Variants in CRB2 observed in about 807,000 individuals in gnomAD.
CRB2 encodes crumbs cell polarity complex component 2.
In CRB2, 85 loss-of-function variants were observed where a neutral mutation model predicts 110.9. That is an observed-to-expected ratio of 0.77 (90% CI 0.64 to 0.92). The LOEUF (loss-of-function observed/expected upper bound fraction) is 0.92. Ranked by LOEUF, CRB2 falls within the 40% of genes least tolerant of loss-of-function variation. The pLI, the probability that CRB2 is intolerant of heterozygous loss-of-function variation, is 0.00. For synonymous variants in CRB2, 907 were observed against 831.0 expected (o/e 1.09, Z -1.57); for missense variants, 1,843 against 1,851.3 (o/e 1.00, Z 0.08).
At position 123,370,270 on chromosome 9, in the gene CRB2, C is replaced by A. The variant is rs34802652; in HGVS notation, c.1217C>A (p.Pro406Gln). 1 of 1,613,302 alleles carries A rather than the reference C, an allele frequency of 6.2e-7. No homozygotes were observed. The highest frequency in any genetic ancestry group is 8.5e-7 in the Non-Finnish European group (1 of 1,180,010). ...QLTGCQGHTCPLAATCIPIFE... is the reference protein window; with the variant it reads ...QLTGCQGHTCQLAATCIPIFE... The stretch of plus-strand genomic sequence containing the variant: ...ACTGGCTGCCAGGGCCACACCTGCC[C>A]GCTGGCTGCCACCTGCATCCCTATC... Residue 406 changes from proline to glutamine, a missense_variant, in exon 7 of 13, where the codon CCG becomes CAG. Transcript: ENST00000373631.
Position 123,366,318 on chromosome 9 carries a change from G to A in CRB2, c.706G>A (p.Ala236Thr). Residue 236 changes from alanine (A) to threonine (T), a missense_variant, in exon 4 of 13, where the codon GCG (alanine) becomes ACG (threonine). Coordinates refer to ENST00000373631, the MANE Select transcript of CRB2 (RefSeq NM_173689.7). Reference sequence around the variant, plus strand: ...CGCATCGGCGCCCTGCGAGCACAACGCGTCCTGCCTCGAGGGCCTCGGGAG... The same window carrying A: ...CGCATCGGCGCCCTGCGAGCACAACACGTCCTGCCTCGAGGGCCTCGGGAG... Reference protein sequence around the residue: ...ECASAPCEHNASCLEGLGSFR... With the variant: ...ECASAPCEHNTSCLEGLGSFR... The A allele has an allele frequency of 3.3e-6, 5 of 1,538,132 alleles. No homozygotes were observed. The highest frequency in any genetic ancestry group is 4.3e-6 in the Non-Finnish European group (5 of 1,155,176).
intron 9 of CRB2, among the ~76,000 whole-genome samples, chr9:123,372,909 A>AC (rs936286216): frequency 1.3e-5 from 2 of 152,018 alleles, no homozygotes; most frequent in African/African-American, 2.4e-5. Context: ...ATCACGCCCC[A>AC]CCCCCCAGCA....
chr9:123,356,681 T>G (rs2041803512), intron 1 of CRB2, among the ~76,000 whole-genome samples: 1 of 151,784 alleles, frequency 6.6e-6, no homozygotes, highest in African/African-American at 2.4e-5. Context: ...TTGCATCCTG[T>G]AAAGGGCTGG....
rs1031794102 is a variant in CRB2, at chr9:123,378,223, C to T, written c.*1161C>T. The T allele has an allele frequency of 2.0e-5, 3 of 152,242 alleles. No individual in the cohort carries two copies. Among genetic ancestry groups the T allele is most frequent in the South Asian group, 2.1e-4 (1 of 4,830 alleles). 9.4% of individuals were successfully genotyped at this position (152,242 alleles called of 1,614,324 possible). On this transcript the variant is annotated 3_prime_UTR_variant, in exon 13 of 13. Transcript: ENST00000373631. ...GAGTCGGGGCTGGGCCTGCAGAGGC[C>T]GACTCAGAGGAGACTCTGCTGCTTG...
At chr9:123,372,122 G>C in intron 8 of CRB2, 55 bp from the exon 9 acceptor site, 1 of 1,564,680 alleles carries the variant, frequency 6.4e-7, no homozygotes, top group Non-Finnish European at 8.8e-7. Context: ...TGCCAGTTAT[G>C]GTGGGTGATG....
chr9:123,374,622 C>T lies in CRB2; in HGVS notation c.3433C>T (p.Leu1145Phe), dbSNP rs143878618. Residue 1145 changes from leucine to phenylalanine, a missense_variant, in exon 11 of 13, where the codon CTC (leucine) becomes TTC (phenylalanine). Transcript: ENST00000373631. Reference protein sequence around the residue: ...SKECSLNVTCLDGSPCEGGSP... With the variant: ...SKECSLNVTCFDGSPCEGGSP... Reference sequence around the variant, plus strand: ...GGAGTGCAGCCTGAATGTCACCTGCCTCGATGGCAGCCCATGTGAGGGTGG... The same window carrying T: ...GGAGTGCAGCCTGAATGTCACCTGCTTCGATGGCAGCCCATGTGAGGGTGG... 1.2e-6 allele frequency: 2 copies of T among 1,613,536 alleles called. No homozygotes were observed. Among genetic ancestry groups the T allele is most frequent in the African/African-American group, 2.7e-5 (2 of 75,054 alleles).
chr9:123,363,764 G>A (rs188119095), intron 2 of CRB2, among the ~76,000 whole-genome samples: 23 of 152,194 alleles, frequency 1.5e-4, no homozygotes, highest in Non-Finnish European at 2.8e-4. Flanking sequence ...TAATATATAC[G>A]TAAGTGCTCA....
chr9:123,364,722 G>T (rs556394280), intron 2 of CRB2, among the ~76,000 whole-genome samples: 1 of 152,182 alleles, frequency 6.6e-6, no homozygotes, highest in Non-Finnish European at 1.5e-5. Context: ...ACAGTGACAC[G>T]TGAGTCCAGG....
At chr9:123,364,387 C>T (rs962726012) in intron 2 of CRB2, among the ~76,000 whole-genome samples, 6 of 152,048 alleles carry the variant, frequency 3.9e-5, no homozygotes, top group East Asian at 1.9e-4. Flanking sequence ...GTTGTGCATC[C>T]GGATGTGTAG....
chr9:123,373,339 C>A lies in CRB2; in HGVS notation c.2808C>A (p.Gly936=). 1 of 1,439,270 alleles carries A rather than the reference C, an allele frequency of 6.9e-7. No individual in the cohort carries two copies. The highest frequency in any genetic ancestry group is 9.0e-7 in the Non-Finnish European group (1 of 1,105,010). 89.2% of individuals were successfully genotyped at this position (1,439,270 alleles called of 1,614,324 possible). ...NGSLAGGVRG[G]HGLPGAVLPI... ...CGCTGGCGGGGGGCGTGCGCGGAGG[C>A]CATGGCCTGCCCGGCGCTGTGCTGC... The change falls in exon 10 of 13, where the codon GGC becomes GGA. Residue 936 remains glycine, a synonymous_variant. Coordinates refer to ENST00000373631, the MANE Select transcript of CRB2 (RefSeq NM_173689.7).
intron 1 of CRB2, among the ~76,000 whole-genome samples, chr9:123,361,945 G>A (rs939914811): frequency 2.0e-5 from 3 of 152,206 alleles, no homozygotes; most frequent in Non-Finnish European, 2.9e-5. Context: ...ATCTCTGGGC[G>A]TGGCTTCCAA....
chr9:123,359,998 G>A (rs1213255268), intron 1 of CRB2, among the ~76,000 whole-genome samples: 1 of 151,888 alleles, frequency 6.6e-6, no homozygotes, highest in African/African-American at 2.4e-5. Context: ...GCAACAATAT[G>A]TGAGTGGCAA....
downstream of CRB2, among the ~76,000 whole-genome samples, chr9:123,379,325 TG>T (rs1312219379): frequency 6.6e-6 from 1 of 152,138 alleles, no homozygotes; most frequent in Admixed American, 6.5e-5. Context: ...GAGAGACCTG[TG>T]GGGGCGACTT....
upstream of CRB2, among the ~76,000 whole-genome samples, chr9:123,355,656 A>C (rs990988304): frequency 1.3e-4 from 1 of 7,508 alleles, no homozygotes; most frequent in Non-Finnish European, 2.6e-4. Flanking sequence ...GGGAGGGGGG[A>C]GTGGGGAGGG....
intron 6 of CRB2, among the ~76,000 whole-genome samples, chr9:123,368,333 G>A (rs1454201228): frequency 1.3e-5 from 2 of 152,112 alleles, no homozygotes. Context: ...GAAGATGGTG[G>A]GACTCAGTGT....
intron 10 of CRB2, among the ~76,000 whole-genome samples, 193 bp from the exon 11 acceptor site, chr9:123,374,386 C>T (rs1413096332): frequency 6.7e-6 from 1 of 148,812 alleles, no homozygotes; most frequent in African/African-American, 2.5e-5. Flanking sequence ...GTCCTGAGTC[C>T]TCTGAGACTC....
intron 8 of CRB2, 93 bp from the exon 9 acceptor site, chr9:123,372,084 G>A: frequency 4.0e-6 from 5 of 1,237,508 alleles, no homozygotes; most frequent in Non-Finnish European, 5.9e-6. Context: ...TGTGTCTGTA[G>A]TAGGTGCTCA....
At chr9:123,356,580 A>G (rs1338360999) in intron 1 of CRB2, among the ~76,000 whole-genome samples, 2 of 117,164 alleles carry the variant, frequency 1.7e-5, no homozygotes, top group Non-Finnish European at 3.5e-5. Context: ...GGGGGGTTGT[A>G]AGTTTCGGGG....
intron 4 of CRB2, among the ~76,000 whole-genome samples, chr9:123,366,674 C>T (rs1328815157): frequency 2.0e-5 from 3 of 152,098 alleles, no homozygotes; most frequent in East Asian, 1.9e-4. Context: ...AAGACTAGGC[C>T]GGGCGCGGTG....
Sources: gnomAD v4.1 joint callset for allele counts (sites outside exome capture counted in the v4.1 genomes callset) on GRCh38, gnomAD v4.1.1 for gene constraint, MANE v1.5 for transcripts, NCBI Gene and HGNC (gene_info 2026-07-23, HGNC 2026-07-21) for gene names.